Variants in ACTN1 observed in about 807,000 individuals in gnomAD.
ACTN1 encodes the protein actinin alpha 1.
In ACTN1, 30 loss-of-function variants were observed where a neutral mutation model predicts 119.6. That is an observed-to-expected ratio of 0.25 (90% confidence interval 0.19 to 0.34). The LOEUF is 0.34. ACTN1 is among the 10% of genes least tolerant of loss of function. The pLI, the probability that ACTN1 is intolerant of heterozygous loss-of-function variation, is 1.00. For missense variants in ACTN1, 764 were observed against 1,223.4 expected (o/e 0.62, Z 5.60); for synonymous variants, 429 against 472.6 (o/e 0.91, Z 1.20).
Position 68,888,451 on chromosome 14 carries a change from A to G in ACTN1, c.1234+1688T>C, listed in dbSNP as rs182270551. Among the ~76,000 whole-genome samples, 119 of 152,218 alleles carry G rather than the reference A, an allele frequency of 7.8e-4. 3 individuals carry two copies. The highest frequency in any genetic ancestry group is 2.7e-3 in the African/African-American group (111 of 41,522). ...CCTCCACTCTGCCCGTCACGTCTGG[A>G]TAAATAACTCCATACACGCACAGTG... On this transcript the variant is annotated intron_variant, in intron 11 of 21. Transcript: ENST00000394419.
intron 1 of ACTN1, among the ~76,000 whole-genome samples, chr14:68,959,330 G>C (rs1372804072): frequency 1.3e-5 from 2 of 152,190 alleles, no homozygotes; most frequent in African/African-American, 4.8e-5. Flanking sequence ...TTCAATGGGA[G>C]CTGATTTAAG....
chr14:68,911,371 C>T (rs1482656927), intron 4 of ACTN1, among the ~76,000 whole-genome samples: 2 of 152,188 alleles, frequency 1.3e-5, no homozygotes, highest in African/African-American at 4.8e-5. Context: ...CAGGTGACTA[C>T]TATGACCCTC....
At chr14:68,977,813 C>T in intron 1 of ACTN1, 1 of 375,836 alleles carries the variant, frequency 2.7e-6, no homozygotes, top group South Asian at 1.9e-5. Flanking sequence ...CCCCCCCACC[C>T]AAAACCCCAT....
chr14:68,908,471 A>C (rs182525186), intron 6 of ACTN1, among the ~76,000 whole-genome samples: 1 of 152,314 alleles, frequency 6.6e-6, no homozygotes, highest in Admixed American at 6.5e-5. Context: ...CGCTCCTTGA[A>C]GCCTCCCTTG....
intron 6 of ACTN1, among the ~76,000 whole-genome samples, chr14:68,908,351 C>T (rs1254470410): frequency 6.6e-6 from 1 of 152,236 alleles, no homozygotes; most frequent in Non-Finnish European, 1.5e-5. Flanking sequence ...TAAACCTCTC[C>T]TGGCCACTGA....
chr14:68,889,993 G>T (rs2032346400), intron 11 of ACTN1, 146 bp downstream of exon 11: 2 of 1,199,144 alleles, frequency 1.7e-6, no homozygotes, highest in Non-Finnish European at 2.3e-6. Flanking sequence ...CGACCAGAAG[G>T]CTAATGAACT....
At chr14:68,953,840 C>T (rs1261091899) in intron 1 of ACTN1, among the ~76,000 whole-genome samples, 2 of 149,958 alleles carry the variant, frequency 1.3e-5, no homozygotes, top group Non-Finnish European at 1.5e-5. Flanking sequence ...GAGCCAAGAT[C>T]GCGCCACTGC....
Position 68,879,257 on chromosome 14 carries a change from A to G in ACTN1, c.2281-188T>C, listed in dbSNP as rs1249318127. Among the ~76,000 whole-genome samples the G allele has an allele frequency of 6.6e-6, 1 of 151,892 alleles. No individual in the cohort carries two copies. The highest frequency in any genetic ancestry group is 1.5e-5 in the Non-Finnish European group (1 of 67,920). On this transcript the variant is annotated intron_variant, in intron 18 of 21. Transcript: ENST00000394419. The surrounding 1 kb of genome is among the most constrained non-coding windows in gnomAD (Gnocchi z 4.9). ...CGGTTAGACACACCAACGAGGCTCC[A>G]GGGGGTGCCCTCCCCCCAGCACACG...
At chr14:68,977,036 AG>A (rs1358015974) in intron 1 of ACTN1, among the ~76,000 whole-genome samples, 1 of 152,170 alleles carries the variant, frequency 6.6e-6, no homozygotes. Context: ...TCTGTCCCCT[AG>A]GAACTTGGTC....
At chr14:68,934,377 T>C (rs10136833) in intron 1 of ACTN1, among the ~76,000 whole-genome samples, 15,438 of 152,304 alleles carry the variant, frequency 0.1, 951 homozygotes, top group African/African-American at 0.16. Flanking sequence ...CAAGGGCCTG[T>C]GGTTAGACAT....
At chr14:68,962,640 T>C (rs574023532) in intron 1 of ACTN1, among the ~76,000 whole-genome samples, 8 of 152,212 alleles carry the variant, frequency 5.3e-5, no homozygotes, top group Non-Finnish European at 1.2e-4. Context: ...GGAAGGCTGT[T>C]AGAAATTCTA....
intron 10 of ACTN1, among the ~76,000 whole-genome samples, chr14:68,891,021 C>T (rs1360669638): frequency 6.6e-6 from 1 of 152,194 alleles, no homozygotes. Flanking sequence ...GCTCTGGCCA[C>T]CTAAAAGCTA....
chr14:68,974,413 C>T (rs1326818720), intron 1 of ACTN1: 2 of 152,232 alleles, frequency 1.3e-5, no homozygotes, highest in Non-Finnish European at 2.9e-5. Context: ...CTCTATAAAA[C>T]ATAAATTTAA....
chr14:68,892,320 G>A lies in ACTN1; in HGVS notation c.856-37C>T, dbSNP rs753431290. On this transcript the variant is annotated intron_variant, in intron 9 of 21. Transcript: ENST00000394419. ...AGGCGGTGGGGGCAGGAGGTGAGGA[G>A]GCGGGGAGGGAGTGTGCTAGGGCCA... 5.1e-6 allele frequency: 8 copies of A among 1,582,190 alleles called. No individual in the cohort carries two copies. In the African/African-American group the frequency reaches 5.4e-5, roughly 11 times the overall value.
chr14:68,874,750 A>AC lies in ACTN1; in HGVS notation c.*108dup. On this transcript the variant is annotated 3_prime_UTR_variant, in exon 22 of 22. Transcript: ENST00000394419. ...ATCGATGCCACGTGGGCCCCAGCTCACCCGGGTGGAGGCTGGGAGCTGAAA... is the reference window on the plus strand; with the variant it reads ...ATCGATGCCACGTGGGCCCCAGCTCACCCCGGGTGGAGGCTGGGAGCTGAAA... 8.6e-7 allele frequency: 1 copy of AC among 1,164,964 alleles called. No homozygotes were observed. Among genetic ancestry groups the AC allele is most frequent in the Non-Finnish European group, 1.1e-6 (1 of 873,664 alleles). The allele number at this position is 1,164,964 out of a possible 1,614,324, so 72.2% of individuals were successfully genotyped here. A position where few individuals can be genotyped will look rare whatever the true frequency, so the allele number is the denominator to read the frequency against.
chr14:68,965,351 C>T (rs1179699751), intron 1 of ACTN1, among the ~76,000 whole-genome samples: 2 of 152,218 alleles, frequency 1.3e-5, no homozygotes, highest in South Asian at 2.1e-4. Context: ...AAAGACAAGG[C>T]CACCTATTGA....
At chr14:68,968,392 C>T (rs531831286) in intron 1 of ACTN1, among the ~76,000 whole-genome samples, 1 of 152,364 alleles carries the variant, frequency 6.6e-6, no homozygotes, top group Middle Eastern at 3.4e-3. Flanking sequence ...AGAGCTCCCA[C>T]AGGTCTACCT....
At chr14:68,894,300 C>T (rs144556748) in intron 8 of ACTN1, among the ~76,000 whole-genome samples, 6 of 152,330 alleles carry the variant, frequency 3.9e-5, no homozygotes, top group East Asian at 1.9e-4. Context: ...AGAAAACTGA[C>T]GGACATTCTA....
Position 68,884,250 on chromosome 14 carries a change from G to A in ACTN1, c.1553C>T (p.Ala518Val). 1 of 1,614,124 alleles carries A rather than the reference G, an allele frequency of 6.2e-7. No homozygotes were observed. Among genetic ancestry groups the A allele is most frequent in the South Asian group, 1.1e-5 (1 of 91,078 alleles). ...CTCCATCCAGTTGTTGAAGGGTGCAGCCCGCTTGGCATACTCCAAGTACAG... is the reference window on the plus strand; with the variant it reads ...CTCCATCCAGTTGTTGAAGGGTGCAACCCGCTTGGCATACTCCAAGTACAG... ...DQLYLEYAKR[A>V]APFNNWMEGA... Residue 518 changes from alanine to valine, a missense_variant, in exon 14 of 22, where the codon GCT (alanine) becomes GTT (valine). This residue lies in a region of ACTN1 where 544 missense variants were observed against 912.0 expected (regional missense o/e 0.60). Transcript: ENST00000394419.
Sources: allele counts gnomAD v4.1 joint callset (sites outside exome capture counted in the v4.1 genomes callset), GRCh38; gene constraint gnomAD v4.1.1; regional missense constraint gnomAD v4.1.1; non-coding constraint Gnocchi (gnomAD v3.1); transcripts MANE v1.5; gene names NCBI Gene and HGNC (gene_info 2026-07-23, HGNC 2026-07-21).